Variants in MACROD2 observed in about 807,000 individuals in gnomAD.
MACROD2 encodes the protein ADP-ribose glycohydrolase MACROD2.
Under a neutral mutation model 70.4 loss-of-function variants are expected in MACROD2, and 36 were observed. The observed-to-expected ratio is 0.51, with a 90% CI of 0.39 to 0.68. The LOEUF is 0.68. Ranked by LOEUF, MACROD2 falls within the 30% of genes least tolerant of loss-of-function variation. The pLI, the probability that MACROD2 is intolerant of heterozygous loss-of-function variation, is 0.00. For synonymous variants in MACROD2, 172 were observed against 178.8 expected (o/e 0.96, Z 0.30); for missense variants, 496 against 538.4 (o/e 0.92, Z 0.78).
chr20:16,039,959 G>A (rs931609830), intron 15 of MACROD2, among the ~76,000 whole-genome samples: 1 of 151,500 alleles, frequency 6.6e-6, no homozygotes, highest in Non-Finnish European at 1.5e-5. Context: ...CCCTATCTTG[G>A]TGTCCCCCAA....
intron 5 of MACROD2, among the ~76,000 whole-genome samples, chr20:14,997,640 C>A (rs1050644668): frequency 6.6e-6 from 1 of 152,204 alleles, no homozygotes; most frequent in African/African-American, 2.4e-5. Context: ...TGCTTCTTGA[C>A]AGCATTTCTA....
At chr20:15,447,161 C>T (rs927053081) in intron 7 of MACROD2, among the ~76,000 whole-genome samples, 3 of 151,666 alleles carry the variant, frequency 2.0e-5, no homozygotes, top group Admixed American at 2.0e-4. Context: ...CCTGTCCAGC[C>T]TAGGAAGAGG....
At chr20:14,942,345 T>C (rs2074397253) in intron 5 of MACROD2, among the ~76,000 whole-genome samples, 1 of 151,734 alleles carries the variant, frequency 6.6e-6, no homozygotes, top group Admixed American at 6.6e-5. Flanking sequence ...CTTCTCCTCC[T>C]CCTTCTTTTC....
chr20:14,626,062 G>A (rs1984135147), intron 4 of MACROD2, among the ~76,000 whole-genome samples: 1 of 152,142 alleles, frequency 6.6e-6, no homozygotes, highest in Non-Finnish European at 1.5e-5. Flanking sequence ...GTGACCTCGT[G>A]ATCTGCCCGC....
At chr20:15,755,888 C>T (rs1254832707) in intron 8 of MACROD2, among the ~76,000 whole-genome samples, 3 of 152,192 alleles carry the variant, frequency 2.0e-5, no homozygotes, top group African/African-American at 7.2e-5. Flanking sequence ...AGGAAACAAA[C>T]TCTAACCTCT....
chr20:14,502,122 C>G lies in MACROD2; in HGVS notation c.301+8614C>G, dbSNP rs371307754. Among the ~76,000 whole-genome samples, 77 of 152,324 alleles carry G rather than the reference C, an allele frequency of 5.1e-4. 1 individual carries two copies. In the East Asian group the frequency reaches 9.6e-3, roughly 19 times the overall value. On this transcript the variant is annotated intron_variant, in intron 4 of 17. Coordinates refer to ENST00000684519, the MANE Select transcript of MACROD2 (RefSeq NM_001351661.2). ...TAGGAAACAAGTTTCAAGCAAAATA[C>G]TGCAGGTCAAGCCTGTTATGTTTTG...
At chr20:15,849,639 T>G (rs1413001091) in intron 8 of MACROD2, among the ~76,000 whole-genome samples, 7 of 152,198 alleles carry the variant, frequency 4.6e-5, no homozygotes, top group Admixed American at 1.3e-4. Flanking sequence ...TAAGCAGCAA[T>G]GAATGACAAT....
At chr20:14,182,234 TA>T (rs1474691221) in intron 3 of MACROD2, among the ~76,000 whole-genome samples, 5 of 152,198 alleles carry the variant, frequency 3.3e-5, no homozygotes, top group Non-Finnish European at 7.3e-5. Flanking sequence ...TCCAAATGAC[TA>T]AGGATGAAGA....
At chr20:14,406,567 A>C (rs2083693437) in intron 3 of MACROD2, among the ~76,000 whole-genome samples, 1 of 152,130 alleles carries the variant, frequency 6.6e-6, no homozygotes, top group Admixed American at 6.6e-5. Context: ...GAACTTCTGC[A>C]ACTTTTCCCC....
intron 5 of MACROD2, among the ~76,000 whole-genome samples, chr20:14,924,725 T>TA (rs1324009538): frequency 6.6e-6 from 1 of 152,232 alleles, no homozygotes; most frequent in East Asian, 1.9e-4. Flanking sequence ...TATCCTACTT[T>TA]AAAAAACACT....
chr20:14,350,608 A>G (rs1481120770), intron 3 of MACROD2, among the ~76,000 whole-genome samples: 2 of 151,842 alleles, frequency 1.3e-5, no homozygotes, highest in Non-Finnish European at 2.9e-5. Flanking sequence ...TTGGATTAAT[A>G]TTTTTTTTCC....
chr20:15,809,442 A>G (rs1482349136), intron 8 of MACROD2, among the ~76,000 whole-genome samples: 1 of 152,256 alleles, frequency 6.6e-6, no homozygotes, highest in Non-Finnish European at 1.5e-5. Context: ...GCACGGCTTC[A>G]GCATCTGCTT....
chr20:15,847,699 T>C (rs1382041569), intron 8 of MACROD2, among the ~76,000 whole-genome samples: 2 of 152,236 alleles, frequency 1.3e-5, no homozygotes, highest in African/African-American at 4.8e-5. Flanking sequence ...GCCATCATTC[T>C]ATTACCCTCT....
chr20:14,864,671 C>A (rs390168), intron 5 of MACROD2, among the ~76,000 whole-genome samples: 40,303 of 151,816 alleles, frequency 0.27, 5,408 homozygotes, highest in Middle Eastern at 0.35. Flanking sequence ...TAGGCCAGCT[C>A]CATGAGAATA....
At chr20:14,072,483 A>C (rs12480574) in intron 2 of MACROD2, among the ~76,000 whole-genome samples, 28,740 of 144,692 alleles carry the variant, frequency 0.2, 2,968 homozygotes, top group South Asian at 0.28. Flanking sequence ...CCTGGGTTCA[A>C]ATCCCAGCCT....
intron 8 of MACROD2, among the ~76,000 whole-genome samples, chr20:15,538,023 A>G (rs1411262066): frequency 6.6e-6 from 1 of 152,226 alleles, no homozygotes; most frequent in Non-Finnish European, 1.5e-5. Flanking sequence ...TGTTTTGAGC[A>G]GGGAATAATA....
chr20:14,862,440 A>T (rs371760642), intron 5 of MACROD2, among the ~76,000 whole-genome samples: 61 of 4,552 alleles, frequency 0.013, no homozygotes, highest in Non-Finnish European at 0.026. Flanking sequence ...AATATATATA[A>T]ATATATATAT....
At position 14,064,372 on chromosome 20, in the gene MACROD2, A is replaced by G. The variant is rs78574792; in HGVS notation, c.164-21249A>G. Reference sequence around the variant, plus strand: ...CCTGAAAACCTTTGTTTTGAGCATCAAGACCTGTACATGTAATGCCTCTCT... The same window carrying G: ...CCTGAAAACCTTTGTTTTGAGCATCGAGACCTGTACATGTAATGCCTCTCT... On this transcript the variant is annotated intron_variant, in intron 2 of 17. Coordinates refer to ENST00000684519, the MANE Select transcript of MACROD2 (RefSeq NM_001351661.2). 9.9e-5 allele frequency among the ~76,000 whole-genome samples: 15 copies of G among 152,226 alleles called. No homozygotes were observed. In the East Asian group the frequency reaches 2.9e-3, roughly 29 times the overall value.
chr20:15,186,821 G>A (rs922481335), intron 5 of MACROD2, among the ~76,000 whole-genome samples: 10 of 152,078 alleles, frequency 6.6e-5, no homozygotes, highest in African/African-American at 7.2e-5. Flanking sequence ...CTCCACTTGC[G>A]GATATCTTAG....
Sources: gnomAD v4.1 joint callset for allele counts (sites outside exome capture counted in the v4.1 genomes callset) on GRCh38, gnomAD v4.1.1 for gene constraint, MANE v1.5 for transcripts, NCBI Gene and HGNC (gene_info 2026-07-23, HGNC 2026-07-21) for gene names.